Variants in DENND4A observed in about 807,000 individuals in gnomAD.
DENND4A encodes the protein DENN domain containing 4A.
A neutral mutation model predicts 199.3 loss-of-function variants in DENND4A; 70 were observed. The ratio of observed to expected loss-of-function variants is 0.35; its 90% CI spans 0.29 to 0.43. The LOEUF is 0.43. DENND4A is among the 20% of genes least tolerant of loss of function. The pLI is 1.00. For synonymous variants in DENND4A, 686 were observed against 766.9 expected, an observed-to-expected ratio of 0.89 and a Z score of 1.74; for missense variants, 1,723 against 2,255.8, an observed-to-expected ratio of 0.76 and a Z score of 4.78.
chr15:65,714,904 T>C (rs930335351), intron 14 of DENND4A, among the ~76,000 whole-genome samples: 2 of 152,054 alleles, frequency 1.3e-5, no homozygotes, highest in African/African-American at 4.8e-5. Context: ...CCTATTTAGG[T>C]TTTGAAACCC....
intron 5 of DENND4A, among the ~76,000 whole-genome samples, chr15:65,740,362 C>T (rs2076226262): frequency 6.6e-6 from 1 of 150,882 alleles, no homozygotes; most frequent in African/African-American, 2.4e-5. Context: ...GTAATCTCAG[C>T]ACTTTGGGAG....
chr15:65,719,849 C>T (rs1013791746), intron 12 of DENND4A, among the ~76,000 whole-genome samples: 3 of 151,778 alleles, frequency 2.0e-5, no homozygotes, highest in Admixed American at 6.6e-5. Context: ...AAACCGTGAT[C>T]GCGCCACTGC....
intron 1 of DENND4A, among the ~76,000 whole-genome samples, chr15:65,764,847 C>G (rs1484150876): frequency 1.3e-5 from 2 of 151,416 alleles, no homozygotes; most frequent in African/African-American, 2.4e-5. Flanking sequence ...GTAGTGTGCA[C>G]TATAGTCCCA....
chr15:65,784,581 G>T (rs1249682704), intron 1 of DENND4A, among the ~76,000 whole-genome samples: 1 of 152,122 alleles, frequency 6.6e-6, no homozygotes, highest in African/African-American at 2.4e-5. Context: ...TGGGGAAGTT[G>T]TTGCCTTAAC....
In DENND4A at chr15:65,690,407, A is replaced by G. The variant is rs765399362; in HGVS notation, c.4179+8T>C. On this transcript the variant is annotated splice_region_variant and intron_variant, in intron 23 of 32. Coordinates refer to ENST00000443035, the MANE Select transcript of DENND4A (RefSeq NM_001320835.1). ...ACAGTAAAAGTAGCAAATACTAACC[A>G]AACTTACCTTAGATGATGTGGTGTA... is the stretch of plus-strand genomic sequence containing the variant. 23 of 1,548,096 alleles carry G rather than the reference A, an allele frequency of 1.5e-5. No homozygotes were observed. Among genetic ancestry groups the G allele is most frequent in the Non-Finnish European group, 1.8e-5 (21 of 1,148,644 alleles).
intron 23 of DENND4A, among the ~76,000 whole-genome samples, chr15:65,678,914 C>T (rs2076477394): frequency 6.6e-6 from 1 of 152,026 alleles, no homozygotes; most frequent in Admixed American, 6.6e-5. Flanking sequence ...TGGTCTTGAA[C>T]TCCTAGACTC....
chr15:65,663,279 G>A (rs1251589228), intron 32 of DENND4A, among the ~76,000 whole-genome samples: 2 of 147,398 alleles, frequency 1.4e-5, no homozygotes, highest in African/African-American at 2.5e-5. Context: ...GCACAATCTC[G>A]GCTCACTGCT....
chr15:65,771,500 C>G, intron 1 of DENND4A: 1 of 1,611,102 alleles, frequency 6.2e-7, no homozygotes, highest in Non-Finnish European at 8.5e-7. Flanking sequence ...AGGAGGATTA[C>G]AGACCATCAA....
At chr15:65,702,140 T>C (rs1047814670) in intron 17 of DENND4A, among the ~76,000 whole-genome samples, 165 bp downstream of exon 17, 8 of 152,172 alleles carry the variant, frequency 5.3e-5, no homozygotes, top group African/African-American at 1.7e-4. Context: ...GGCACATGAC[T>C]GTAGTCACAG....
intron 15 of DENND4A, chr15:65,705,835 AT>A (rs1219028493): frequency 1.6e-5 from 4 of 248,342 alleles, no homozygotes; most frequent in African/African-American, 9.3e-5. Flanking sequence ...ACTGAATGTA[AT>A]CAACATTTAC....
intron 32 of DENND4A, among the ~76,000 whole-genome samples, chr15:65,663,456 G>A (rs923955703): frequency 1.3e-5 from 2 of 151,796 alleles, no homozygotes; most frequent in Middle Eastern, 3.2e-3. Context: ...TGATCTGCCC[G>A]CCTTGGCCTC....
At chr15:65,784,035 C>T (rs776527585) in intron 1 of DENND4A, among the ~76,000 whole-genome samples, 9 of 152,150 alleles carry the variant, frequency 5.9e-5, no homozygotes, top group Middle Eastern at 6.8e-3. Context: ...AGTGATAAGC[C>T]GTACTGATAG....
At chr15:65,785,622 T>A (rs1261694397) in intron 1 of DENND4A, among the ~76,000 whole-genome samples, 1 of 152,034 alleles carries the variant, frequency 6.6e-6, no homozygotes, top group African/African-American at 2.4e-5. Context: ...TACTCATATA[T>A]AAAGCATTAA....
chr15:65,743,919 T>C (rs2076320421), intron 4 of DENND4A, among the ~76,000 whole-genome samples: 1 of 151,094 alleles, frequency 6.6e-6, no homozygotes, highest in African/African-American at 2.4e-5. Context: ...TTGGCTTCTA[T>C]TACTCTTGGA....
chr15:65,748,039 C>CAAA (rs34813076), intron 4 of DENND4A, among the ~76,000 whole-genome samples: 9 of 54,368 alleles, frequency 1.7e-4, no homozygotes, highest in East Asian at 5.1e-4. Context: ...TACTCCGTCT[C>CAAA]AAAAAAAAAA....
rs1255043346 is a variant in DENND4A at position 65,668,021 on chromosome 15, C to T, written c.4890G>A (p.Arg1630=). Residue 1630 remains arginine (R), a synonymous_variant, in exon 28 of 33, where the codon AGG becomes AGA. Coordinates refer to ENST00000443035, the MANE Select transcript of DENND4A (RefSeq NM_001320835.1). ...CCAAGGGGCCAGAAGTACTAATACT[C>T]CTGGCCATTGGAAATATTGGACATT... is the stretch of plus-strand genomic sequence containing the variant. ...MSKCPIFPMA[R]SISTSGPLDK... is the part of the protein sequence containing the mutation. 6.2e-7 allele frequency: 1 copy of T among 1,612,486 alleles called. No individual in the cohort carries two copies. The highest frequency in any genetic ancestry group is 2.2e-5 in the East Asian group (1 of 44,854).
At chr15:65,771,327 G>A (rs375366910) in intron 1 of DENND4A, 5 of 1,587,566 alleles carry the variant, frequency 3.1e-6, no homozygotes, top group Middle Eastern at 2.3e-4. Flanking sequence ...CAGTTATTTC[G>A]AATATTAGTC....
chr15:65,771,151 G>A (rs1054589459), intron 1 of DENND4A: 51 of 1,564,522 alleles, frequency 3.3e-5, no homozygotes, highest in African/African-American at 2.3e-4. Flanking sequence ...TACGCTAAAA[G>A]GTATAAATAA....
chr15:65,789,718 T>C (rs2077664243), intron 1 of DENND4A, among the ~76,000 whole-genome samples: 2 of 152,212 alleles, frequency 1.3e-5, no homozygotes, highest in African/African-American at 2.4e-5. Flanking sequence ...CAAGGTTTAT[T>C]ATATACCAAA....
Sources: allele counts gnomAD v4.1 joint callset (sites outside exome capture counted in the v4.1 genomes callset), GRCh38; gene constraint gnomAD v4.1.1; transcripts MANE v1.5; gene names NCBI Gene and HGNC (gene_info 2026-07-23, HGNC 2026-07-21).